Variants in EMP3 observed in about 807,000 individuals in gnomAD.
The protein encoded by EMP3 is epithelial membrane protein 3 (MAM blood group), also known as epithelial membrane protein 3.
Under a neutral mutation model 21.6 loss-of-function variants are expected in EMP3, and 15 were observed. That is an observed-to-expected ratio of 0.69 (90% confidence interval 0.46 to 1.07). The LOEUF (loss-of-function observed/expected upper bound fraction) is 1.07. EMP3 is among the 50% of genes least tolerant of loss of function. The pLI, the probability that EMP3 is intolerant of heterozygous loss-of-function variation, is 0.00. For synonymous variants in EMP3, 107 were observed against 86.1 expected (o/e 1.24, Z -1.34); for missense variants, 183 against 206.6 (o/e 0.89, Z 0.70).
At chr19:48,327,751 T>A in intron 3 of EMP3, 128 bp downstream of exon 3, 2 of 791,170 alleles carry the variant, frequency 2.5e-6, no homozygotes, top group Non-Finnish European at 4.3e-6. Flanking sequence ...CCTGAGTGGC[T>A]GAGTGCCTAG....
chr19:48,327,843 G>C (rs1337602602), intron 3 of EMP3: 3 of 499,450 alleles, frequency 6.0e-6, no homozygotes, highest in Non-Finnish European at 1.1e-5. Flanking sequence ...GTTTTCCTCT[G>C]GTTGCCCAGG....
chr19:48,329,800 C>G lies in EMP3; in HGVS notation c.322+308C>G, dbSNP rs1969178487. Among the ~76,000 whole-genome samples the G allele has an allele frequency of 6.6e-6, 1 of 151,970 alleles. No homozygotes were observed. Among genetic ancestry groups the G allele is most frequent in the Non-Finnish European group, 1.5e-5 (1 of 68,012 alleles). ...AATAGTTTTGGTCCCAGGGATCGGC[C>G]GTGACGTGGGGGGATAAACTAATTA... On this transcript the variant is annotated intron_variant, in intron 4 of 4. Coordinates refer to ENST00000270221, the MANE Select transcript of EMP3 (RefSeq NM_001425.3). This position sits in a 1 kb window ranked among gnomAD's most constrained non-coding sequence, Gnocchi z 4.5.
At chr19:48,330,174 G>T in intron 4 of EMP3, 127 bp from the exon 5 acceptor site, 1 of 1,371,540 alleles carries the variant, frequency 7.3e-7, no homozygotes, top group Non-Finnish European at 9.6e-7. Context: ...GGGGGGGAAA[G>T]AACCACAACT....
rs1362760908 is a variant in EMP3, at chr19:48,325,558, C to A, written c.-68C>A. On this transcript the variant is annotated 5_prime_UTR_variant, in exon 1 of 5. Transcript: ENST00000270221. ...GAGGAGAAGGGCGGGGCACGGAGGC[C>A]CGAGCGAGGGACAAGACTCCGACTC... The A allele has an allele frequency of 1.3e-5, 2 of 151,840 alleles. No homozygotes were observed. Among genetic ancestry groups the A allele is most frequent in the African/African-American group, 4.8e-5 (2 of 41,302 alleles). 9.4% of individuals were successfully genotyped at this position (151,840 alleles called of 1,614,324 possible).
In EMP3 at chr19:48,327,503, G is replaced by C; in HGVS notation, c.79-18G>C. On this transcript the variant is annotated intron_variant, in intron 2 of 4. Coordinates refer to ENST00000270221, the MANE Select transcript of EMP3 (RefSeq NM_001425.3). ...CTTTCCTAACCCTGCCCCTTGTTTCGTTCTCTGTCCATCCCAGTCCTGGTG... is the reference window on the plus strand; with the variant it reads ...CTTTCCTAACCCTGCCCCTTGTTTCCTTCTCTGTCCATCCCAGTCCTGGTG... The C allele has an allele frequency of 4.4e-6, 7 of 1,597,640 alleles. No homozygotes were observed. Among genetic ancestry groups the C allele is most frequent in the Admixed American group, 1.7e-5 (1 of 59,058 alleles).
At chr19:48,326,043 A>C (rs1969117260) in intron 1 of EMP3, 1 of 149,600 alleles carries the variant, frequency 6.7e-6, no homozygotes, top group African/African-American at 2.5e-5. Context: ...CCAGTCTGGC[A>C]GCAGGGTGGG....
At position 48,330,509 on chromosome 19, in the gene EMP3, C is replaced by A; in HGVS notation, c.*39C>A. On this transcript the variant is annotated 3_prime_UTR_variant, in exon 5 of 5. Coordinates refer to ENST00000270221, the MANE Select transcript of EMP3 (RefSeq NM_001425.3). ...CTCGGCTGCCCCCGCCCCTTCCCGG[C>A]CCCCCTCGCCGCGCGTCCTCCAAAA... is the stretch of plus-strand genomic sequence containing the variant. 3 of 1,510,162 alleles carry A rather than the reference C, an allele frequency of 2.0e-6. No homozygotes were observed. Among genetic ancestry groups the A allele is most frequent in the Non-Finnish European group, 2.7e-6 (3 of 1,131,816 alleles). The allele number at this position is 1,510,162 out of a possible 1,614,324, so 93.5% of individuals were successfully genotyped here. A position where few individuals can be genotyped will look rare whatever the true frequency, so the allele number is the denominator to read the frequency against.
Position 48,330,164 on chromosome 19 carries a change from G to A in EMP3, c.323-137G>A, listed in dbSNP as rs887105571. On this transcript the variant is annotated intron_variant, in intron 4 of 4. Coordinates refer to ENST00000270221, the MANE Select transcript of EMP3 (RefSeq NM_001425.3). Reference sequence around the variant, plus strand: ...GCGCTACAGTTGCACGGCGCTGGGCGGGGGGGAAAGAACCACAACTCCCAG... The same window carrying A: ...GCGCTACAGTTGCACGGCGCTGGGCAGGGGGGAAAGAACCACAACTCCCAG... The A allele has an allele frequency of 1.0e-5, 13 of 1,245,646 alleles. No individual in the cohort carries two copies. The African/African-American group carries it at 2.0e-4, about 19-fold the overall frequency. 77.2% of individuals were successfully genotyped at this position (1,245,646 alleles called of 1,614,324 possible).
chr19:48,326,827 C>T lies in EMP3; in HGVS notation c.-15-3C>T. 1 of 1,613,136 alleles carries T rather than the reference C, an allele frequency of 6.2e-7. No homozygotes were observed. The highest frequency in any genetic ancestry group is 8.5e-7 in the Non-Finnish European group (1 of 1,179,194). ...GACTCCGTCCCCTGCTCCCCCTCCC[C>T]AGGCTTCCACTGCAGCCATGTCACT... On this transcript the variant is annotated splice_region_variant and splice_polypyrimidine_tract_variant and intron_variant, in intron 1 of 4. Coordinates refer to ENST00000270221, the MANE Select transcript of EMP3 (RefSeq NM_001425.3).
chr19:48,328,335 C>A lies in EMP3; in HGVS notation c.181+712C>A, dbSNP rs568469275. 2.7e-5 allele frequency among the ~76,000 whole-genome samples: 4 copies of A among 149,496 alleles called. No individual in the cohort carries two copies. The East Asian group carries it at 7.9e-4, about 29-fold the overall frequency. The stretch of plus-strand genomic sequence containing the variant: ...GCTGAGGCAGAAGAATCGCTTGAAC[C>A]CAGGAGGTGGAGGTTGCAGTGAGCT... On this transcript the variant is annotated intron_variant, in intron 3 of 4. Transcript: ENST00000270221.
chr19:48,328,711 T>C (rs1011409632), intron 3 of EMP3, among the ~76,000 whole-genome samples: 4 of 152,228 alleles, frequency 2.6e-5, no homozygotes, highest in African/African-American at 7.2e-5. Context: ...TTCAACCTTT[T>C]ACTGGAGTAG....
In EMP3 at chr19:48,327,617, G is replaced by C. The variant is rs765251929; in HGVS notation, c.175G>C (p.Glu59Gln). The C allele has an allele frequency of 9.9e-6, 16 of 1,613,522 alleles. No homozygotes were observed. In the South Asian group the frequency reaches 1.5e-4, roughly 16 times the overall value. ...TKTWACSNVSENGWLKAVQVL... is the reference protein window; with the variant it reads ...TKTWACSNVSQNGWLKAVQVL... Reference sequence around the variant, plus strand: ...AACATGGGCCTGCAGTAATGTCAGCGAGAATGGTGAGGGGTGAGGGCGGCG... The same window carrying C: ...AACATGGGCCTGCAGTAATGTCAGCCAGAATGGTGAGGGGTGAGGGCGGCG... The change falls in exon 3 of 5, where the codon GAG (glutamate) becomes CAG (glutamine). Residue 59 changes from glutamate to glutamine, a missense_variant. Glu to Gln is a conservative substitution (Grantham distance 29, BLOSUM62 2). Coordinates refer to ENST00000270221, the MANE Select transcript of EMP3 (RefSeq NM_001425.3).
Position 48,327,642 on chromosome 19 carries a change from G to A in EMP3, c.181+19G>A, listed in dbSNP as rs757823214. On this transcript the variant is annotated intron_variant, in intron 3 of 4. Transcript: ENST00000270221. ...GAGAATGGTGAGGGGTGAGGGCGGC[G>A]GGACTGGTCTTCAAAGGGGAAGGTA... 2.7e-5 allele frequency: 44 copies of A among 1,606,394 alleles called. No individual in the cohort carries two copies. Among genetic ancestry groups the A allele is most frequent in the Non-Finnish European group, 3.4e-5 (40 of 1,174,528 alleles).
In EMP3 at chr19:48,326,898, G is replaced by A; in HGVS notation, c.54G>A (p.Leu18=). ...CCCTTCACATCCTCATTCTTATACTGCTTTTCGTGGCCACTTTGGACAAGG... is the reference window on the plus strand; with the variant it reads ...CCCTTCACATCCTCATTCTTATACTACTTTTCGTGGCCACTTTGGACAAGG... ...VSALHILILI[L]LFVATLDKSW... is the part of the protein sequence containing the mutation. Residue 18 remains leucine, a synonymous_variant, in exon 2 of 5, where the codon CTG becomes CTA. Coordinates refer to ENST00000270221, the MANE Select transcript of EMP3 (RefSeq NM_001425.3). 1.9e-6 allele frequency: 3 copies of A among 1,613,952 alleles called. No homozygotes were observed. Among genetic ancestry groups the A allele is most frequent in the Non-Finnish European group, 2.5e-6 (3 of 1,179,966 alleles).
chr19:48,327,813 T>C, intron 3 of EMP3, 190 bp downstream of exon 3: 1 of 567,552 alleles, frequency 1.8e-6, no homozygotes, highest in South Asian at 2.2e-5. Context: ...GTTTTTTTTG[T>C]TTTTGTTTTT....
Position 48,330,390 on chromosome 19 carries a change from T to A in EMP3, c.412T>A (p.Cys138Ser), listed in dbSNP as rs1275360505. ...CCCGCGAGGGGGCAGCTTCGGATAC[T>A]GCTTCGCCCTGGCCTGGGTGGCCTT... is the stretch of plus-strand genomic sequence containing the variant. ...KHPRGGSFGY[C>S]FALAWVAFPL... is the part of the protein sequence containing the mutation. Residue 138 changes from cysteine (C) to serine (S), a missense_variant, in exon 5 of 5, where the codon TGC (cysteine) becomes AGC (serine). Transcript: ENST00000270221. 1.9e-6 allele frequency: 3 copies of A among 1,607,308 alleles called. No homozygotes were observed. The South Asian group carries it at 3.3e-5, about 18-fold the overall frequency.
chr19:48,327,768 T>G, intron 3 of EMP3, 145 bp downstream of exon 3: 1 of 676,520 alleles, frequency 1.5e-6, no homozygotes, highest in East Asian at 2.8e-5. Context: ...CTAGGGCTAA[T>G]GCATGTCCCG....
Position 48,330,374 on chromosome 19 carries a change from G to A in EMP3, c.396G>A (p.Gly132=). The change falls in exon 5 of 5, where the codon GGG becomes GGA. Residue 132 remains glycine (G), a synonymous_variant. Transcript: ENST00000270221. ...AGATCCTGGAGAAGCACCCGCGAGGGGGCAGCTTCGGATACTGCTTCGCCC... is the reference window on the plus strand; with the variant it reads ...AGATCCTGGAGAAGCACCCGCGAGGAGGCAGCTTCGGATACTGCTTCGCCC... ...AEEILEKHPR[G]GSFGYCFALA... is the part of the protein sequence containing the mutation. The A allele has an allele frequency of 6.2e-7, 1 of 1,607,698 alleles. No homozygotes were observed. Among genetic ancestry groups the A allele is most frequent in the Non-Finnish European group, 8.5e-7 (1 of 1,177,206 alleles).
At chr19:48,326,562 C>T (rs1353522280) in intron 1 of EMP3, among the ~76,000 whole-genome samples, 2 of 151,098 alleles carry the variant, frequency 1.3e-5, no homozygotes, top group East Asian at 3.9e-4. Flanking sequence ...ATGATCTTGG[C>T]TCATTGCAAC....
Sources: gnomAD v4.1 joint callset for allele counts (sites outside exome capture counted in the v4.1 genomes callset) on GRCh38, gnomAD v4.1.1 for gene constraint, Gnocchi (gnomAD v3.1) non-coding constraint, MANE v1.5 for transcripts, NCBI Gene and HGNC (gene_info 2026-07-23, HGNC 2026-07-21) for gene names.